The following CDC45 variants were observed in gnomAD, a reference collection of about 807,000 sequenced individuals.
CDC45 encodes the protein cell division cycle 45.
In CDC45, 54 loss-of-function variants were observed where a neutral mutation model predicts 77.8. The ratio of observed to expected loss-of-function variants is 0.69; its 90% CI spans 0.56 to 0.87. CDC45 has a LOEUF of 0.87. Ranked by LOEUF, CDC45 falls within the 40% of genes least tolerant of loss-of-function variation. CDC45 has a pLI of 0.00. For synonymous variants in CDC45, 260 were observed against 272.1 expected, an observed-to-expected ratio of 0.96 and a Z score of 0.44; for missense variants, 649 against 721.6, an observed-to-expected ratio of 0.90 and a Z score of 1.15.
intron 8 of CDC45, among the ~76,000 whole-genome samples, chr22:19,498,067 A>G (rs939202590): frequency 6.6e-6 from 1 of 152,140 alleles, no homozygotes; most frequent in Non-Finnish European, 1.5e-5. Context: ...TTAGCTACTC[A>G]GGAGGCTGAG....
chr22:19,497,406 G>C lies in CDC45; in HGVS notation c.612G>C (p.Glu204Asp). ...HGTSSAMVMF[E>D]LAWMLSKDLN... ...TACAGTCAGCCATGGTGATGTTTGA[G>C]CTGGCTTGGATGCTGTCCAAGGACC... The change falls in exon 8 of 19, where the codon GAG becomes GAC. Residue 204 changes from glutamate to aspartate, a missense_variant. Transcript: ENST00000263201. The C allele has an allele frequency of 1.2e-6, 2 of 1,614,152 alleles. No individual in the cohort carries two copies. The highest frequency in any genetic ancestry group is 8.5e-7 in the Non-Finnish European group (1 of 1,180,000).
At chr22:19,518,724 G>A (rs1933939509) in intron 17 of CDC45, 120 bp from the exon 18 acceptor site, 5 of 765,276 alleles carry the variant, frequency 6.5e-6, no homozygotes, top group Non-Finnish European at 1.2e-5. Flanking sequence ...AATACCACAG[G>A]CCGGGAGGAG....
Position 19,516,555 on chromosome 22 carries a change from C to T in CDC45, c.1469C>T (p.Pro490Leu). 1 of 1,614,008 alleles carries T rather than the reference C, an allele frequency of 6.2e-7. No homozygotes were observed. Among genetic ancestry groups the T allele is most frequent in the Non-Finnish European group, 8.5e-7 (1 of 1,179,974 alleles). ...STKNRRCKLL[P>L]LVMAAPLSME... ...AAGAACCGGCGCTGCAAACTGCTGC[C>T]CCTGGTGATGGCTGCCCCCCTGAGC... The change falls in exon 16 of 19, where the codon CCC (proline) becomes CTC (leucine). Residue 490 changes from proline (P) to leucine (L), a missense_variant. Pro to Leu is a moderately conservative substitution (Grantham distance 98). Coordinates refer to ENST00000263201, the MANE Select transcript of CDC45 (RefSeq NM_003504.5).
In CDC45 at chr22:19,494,379, G is replaced by A. The variant is rs200414830; in HGVS notation, c.539G>A (p.Arg180Gln). 100 of 1,613,524 alleles carry A rather than the reference G, an allele frequency of 6.2e-5. No individual in the cohort carries two copies. Among genetic ancestry groups the A allele is most frequent in the Non-Finnish European group, 7.9e-5 (93 of 1,179,886 alleles). Residue 180 changes from arginine to glutamine, a missense_variant, in exon 6 of 19, where the codon CGG (arginine) becomes CAG (glutamine). Transcript: ENST00000263201. ...RRRQRREWEA[R>Q]RRDILFDYEQ... ...AGGCAGCGGCGAGAGTGGGAGGCCC[G>A]GAGGTGAGTCTGTGCTTCCAGCTGC...
intron 7 of CDC45, among the ~76,000 whole-genome samples, chr22:19,496,973 G>A (rs1376550451): frequency 1.3e-5 from 2 of 152,084 alleles, no homozygotes; most frequent in African/African-American, 2.4e-5. Flanking sequence ...CGCCAGCCAA[G>A]CAGGAGGAGT....
chr22:19,483,501 G>T (rs762040080), intron 4 of CDC45, among the ~76,000 whole-genome samples: 2 of 152,196 alleles, frequency 1.3e-5, no homozygotes, highest in African/African-American at 2.4e-5. Context: ...CCACTTAGGG[G>T]TTACACATCT....
chr22:19,504,871 A>G (rs1933072785), intron 9 of CDC45, among the ~76,000 whole-genome samples: 1 of 152,182 alleles, frequency 6.6e-6, no homozygotes, highest in Non-Finnish European at 1.5e-5. Context: ...CAGGGTCTAC[A>G]TGCTTCTGAG....
At chr22:19,516,995 C>T in intron 17 of CDC45, 102 bp downstream of exon 17, 1 of 966,562 alleles carries the variant, frequency 1.0e-6, no homozygotes, top group South Asian at 1.4e-5. Context: ...GGAGCCTGGC[C>T]AGCAGCCCTC....
chr22:19,516,364 G>A, intron 15 of CDC45, 163 bp from the exon 16 acceptor site: 1 of 673,392 alleles, frequency 1.5e-6, no homozygotes. Context: ...CTGGCCTTGG[G>A]CATCTAACTT....
chr22:19,500,391 C>T (rs2090319533), intron 9 of CDC45, among the ~76,000 whole-genome samples: 1 of 152,164 alleles, frequency 6.6e-6, no homozygotes, highest in Non-Finnish European at 1.5e-5. Flanking sequence ...AGCACATCAG[C>T]ATCAGTCACT....
intron 15 of CDC45, 97 bp downstream of exon 15, chr22:19,515,145 T>C: frequency 7.1e-6 from 8 of 1,125,832 alleles, no homozygotes; most frequent in Non-Finnish European, 1.0e-5. Flanking sequence ...TGCCTGTGGC[T>C]GTTGACCAGC....
At chr22:19,483,387 G>A (rs910137912) in intron 4 of CDC45, among the ~76,000 whole-genome samples, 2 of 152,100 alleles carry the variant, frequency 1.3e-5, no homozygotes, top group Non-Finnish European at 2.9e-5. Flanking sequence ...AGCCGAGATC[G>A]TGCCACTGCA....
Position 19,484,006 on chromosome 22 carries a change from G to C in CDC45, c.486+1G>C. ...TGAGAAGCGCACACGGTTAGAAGAGGTGAGTTTGGGTCTCTCACAGCTATC... is the reference window on the plus strand; with the variant it reads ...TGAGAAGCGCACACGGTTAGAAGAGCTGAGTTTGGGTCTCTCACAGCTATC... On this transcript the variant is annotated splice_donor_variant, in intron 5 of 18. Transcript: ENST00000263201. LOFTEE classifies it high-confidence loss of function. 1 of 1,595,438 alleles carries C rather than the reference G, an allele frequency of 6.3e-7. No individual in the cohort carries two copies. Among genetic ancestry groups the C allele is most frequent in the Non-Finnish European group, 8.5e-7 (1 of 1,175,264 alleles).
chr22:19,508,872 A>G (rs926750371), intron 13 of CDC45, among the ~76,000 whole-genome samples, 181 bp downstream of exon 13: 1 of 152,112 alleles, frequency 6.6e-6, no homozygotes, highest in African/African-American at 2.4e-5. Flanking sequence ...GCCCCTCTTC[A>G]GTATTTGTCA....
At chr22:19,498,031 A>G (rs905709178) in intron 8 of CDC45, among the ~76,000 whole-genome samples, 6 of 151,934 alleles carry the variant, frequency 3.9e-5, no homozygotes, top group South Asian at 2.1e-4. Flanking sequence ...AAAATTAGCC[A>G]GGCGTGGTGG....
Position 19,510,347 on chromosome 22 carries a change from C to T in CDC45, c.1217+1656C>T, listed in dbSNP as rs546153117. 2.0e-5 allele frequency among the ~76,000 whole-genome samples: 3 copies of T among 152,244 alleles called. No homozygotes were observed. In the East Asian group the frequency reaches 5.8e-4, roughly 29 times the overall value. ...TAATTTTAGAGCATTTTTGTTGCCC[C>T]AGAGAGATCCTCCCAGCCTCTGGCA... On this transcript the variant is annotated intron_variant, in intron 13 of 18. Coordinates refer to ENST00000263201, the MANE Select transcript of CDC45 (RefSeq NM_003504.5).
rs995102102 is a variant in CDC45 at position 19,514,801 on chromosome 22, C to T, written c.1270C>T (p.Arg424Ter). 12 of 1,614,020 alleles carry T rather than the reference C, an allele frequency of 7.4e-6. No homozygotes were observed. Among genetic ancestry groups the T allele is most frequent in the Non-Finnish European group, 1.0e-5 (12 of 1,179,964 alleles). Reference sequence around the variant, plus strand: ...CCTGGAACTCGCCAAGAAGCAGCTGCGAGCCACCCAGCAGACCATTGCCAG... The same window carrying T: ...CCTGGAACTCGCCAAGAAGCAGCTGTGAGCCACCCAGCAGACCATTGCCAG... Reference protein sequence around the residue: ...HGLELAKKQLRATQQTIASCL... With the variant: ...HGLELAKKQL The change falls in exon 14 of 19, where the codon CGA becomes TGA. Residue 424 changes from arginine (R) to a stop codon, truncating the protein, a stop_gained. Transcript: ENST00000263201. LOFTEE classifies it high-confidence loss of function.
intron 4 of CDC45, 128 bp downstream of exon 4, chr22:19,482,955 C>A: frequency 2.7e-5 from 19 of 704,568 alleles, no homozygotes; most frequent in Non-Finnish European, 3.8e-5. Flanking sequence ...AACACAAGAA[C>A]TTGGTCTTTG....
rs751892832 is a variant in CDC45, at chr22:19,516,619, A to G, written c.1533A>G (p.Pro511=). Residue 511 remains proline, a synonymous_variant, in exon 16 of 19, where the codon CCA becomes CCG. Coordinates refer to ENST00000263201, the MANE Select transcript of CDC45 (RefSeq NM_003504.5). ...HGTVTVVGIP[P]ETDSSDRKNF... ...CAGTGACCGTGGTGGGCATCCCCCC[A>G]GAGACCGACAGCTCGGACAGGAAGA... 5.0e-6 allele frequency: 8 copies of G among 1,613,810 alleles called. No individual in the cohort carries two copies. The Admixed American group carries it at 1.2e-4, about 24-fold the overall frequency.
Sources: gnomAD v4.1 joint callset for allele counts (sites outside exome capture counted in the v4.1 genomes callset) on GRCh38, gnomAD v4.1.1 for gene constraint, MANE v1.5 for transcripts, NCBI Gene and HGNC (gene_info 2026-07-23, HGNC 2026-07-21) for gene names.